Variants in ECM2 observed in about 807,000 individuals in gnomAD.
ECM2 encodes extracellular matrix protein 2, female organ and adipocyte specific.
Under a neutral mutation model 67.5 loss-of-function variants are expected in ECM2, and 57 were observed. The ratio of observed to expected loss-of-function variants is 0.84; its 90% confidence interval spans 0.68 to 1.05. The LOEUF (loss-of-function observed/expected upper bound fraction) is 1.05, where lower values mean the gene tolerates loss of function less well. Ranked by LOEUF, ECM2 falls within the 50% of genes least tolerant of loss-of-function variation. The pLI, the probability that ECM2 is intolerant of heterozygous loss-of-function variation, is 0.00. For missense variants in ECM2, 741 were observed against 822.8 expected (o/e 0.90, Z 1.22); for synonymous variants, 258 against 294.5 (o/e 0.88, Z 1.27).
intron 4 of ECM2, 151 bp from the exon 5 acceptor site, chr9:92,512,277 C>A (rs1018603804): frequency 4.3e-6 from 2 of 464,342 alleles, no homozygotes; most frequent in Non-Finnish European, 3.9e-6. Flanking sequence ...ATTATATAAC[C>A]AAAGCATGTT....
At chr9:92,511,827 G>A (rs535350678) in intron 5 of ECM2, among the ~76,000 whole-genome samples, 184 bp downstream of exon 5, 3 of 152,318 alleles carry the variant, frequency 2.0e-5, no homozygotes, top group African/African-American at 7.2e-5. Context: ...CTAAAAGTAT[G>A]TAAAATAGTA....
intron 5 of ECM2, 120 bp downstream of exon 5, chr9:92,511,890 CT>C: frequency 1.5e-6 from 1 of 662,288 alleles, no homozygotes; most frequent in Non-Finnish European, 2.5e-6. Flanking sequence ...AGAGAGGAAA[CT>C]TTCTTAGAAG....
chr9:92,541,794 T>G, the ECM2 span, among the ~76,000 whole-genome samples: 28 of 152,060 alleles, frequency 1.8e-4, no homozygotes, highest in South Asian at 6.2e-4. Context: ...TGATTTTATT[T>G]CCTTTTTTGT....
intron 2 of ECM2, among the ~76,000 whole-genome samples, chr9:92,520,360 A>G (rs1847989412): frequency 6.6e-6 from 1 of 152,184 alleles, no homozygotes; most frequent in Non-Finnish European, 1.5e-5. Flanking sequence ...CAACATGCAC[A>G]TAAAAAGATG....
At chr9:92,532,780 G>C (rs1212482222) in intron 1 of ECM2, among the ~76,000 whole-genome samples, 1 of 151,890 alleles carries the variant, frequency 6.6e-6, no homozygotes, top group Non-Finnish European at 1.5e-5. Flanking sequence ...TGTGTCTGAA[G>C]ACTAGGTTTT....
upstream of ECM2, chr9:92,536,494 A>G (rs1485039686): frequency 1.3e-5 from 2 of 153,278 alleles, no homozygotes; most frequent in Non-Finnish European, 2.9e-5. Flanking sequence ...ACAAAACGAC[A>G]ACAACAAAAA....
In ECM2 at chr9:92,523,330, C is replaced by T. The variant is rs184384016; in HGVS notation, c.-27-437G>A. Among the ~76,000 whole-genome samples, 313 of 152,258 alleles carry T rather than the reference C, an allele frequency of 2.1e-3. 3 individuals are homozygous for T. The highest frequency in any genetic ancestry group is 4.7e-3 in the Admixed American group (72 of 15,292). ...AGGGCCAGATAGTAAATATTTGAGG[C>T]GTCATAGGCTACACCTTCTCTGTCA... On this transcript the variant is annotated intron_variant, in intron 1 of 9. Coordinates refer to ENST00000344604, the MANE Select transcript of ECM2 (RefSeq NM_001393.4).
Position 92,514,871 on chromosome 9 carries a change from C to G in ECM2, c.814G>C (p.Glu272Gln). Residue 272 changes from glutamate (E) to glutamine (Q), a missense_variant, in exon 4 of 10, where the codon GAG (glutamate) becomes CAG (glutamine). By Grantham distance (29) the Glu-to-Gln change is conservative (BLOSUM62 2). Coordinates refer to ENST00000344604, the MANE Select transcript of ECM2 (RefSeq NM_001393.4). Reference sequence around the variant, plus strand: ...TCACCCTCCTCCTCCTCATCCTCCTCCTCCTCCCTTCCTTGGCGTTGTTGC... The same window carrying G: ...TCACCCTCCTCCTCCTCATCCTCCTGCTCCTCCCTTCCTTGGCGTTGTTGC... ...HQQQRQGREE[E>Q]EDEEEEGEEG... The G allele has an allele frequency of 6.2e-7, 1 of 1,613,366 alleles. No homozygotes were observed. Among genetic ancestry groups the G allele is most frequent in the South Asian group, 1.1e-5 (1 of 90,950 alleles).
intron 1 of ECM2, among the ~76,000 whole-genome samples, chr9:92,533,320 A>T (rs1162961235): frequency 1.4e-3 from 128 of 92,302 alleles, no homozygotes; most frequent in African/African-American, 4.5e-3. Flanking sequence ...AAAAAAAAAA[A>T]AAAAAAAAAT....
At chr9:92,551,403 C>T in the ECM2 span, among the ~76,000 whole-genome samples, 1 of 152,110 alleles carries the variant, frequency 6.6e-6, no homozygotes. Flanking sequence ...AGTGGCACAA[C>T]CATGGCTTAC....
upstream of ECM2, among the ~76,000 whole-genome samples, chr9:92,540,983 T>C (rs1425635855): frequency 6.6e-6 from 1 of 151,946 alleles, no homozygotes; most frequent in Non-Finnish European, 1.5e-5. Context: ...ATGTATTGGC[T>C]GGGGGCAGTG....
chr9:92,515,769 G>A lies in ECM2; in HGVS notation c.482-566C>T, dbSNP rs1563980448. Among the ~76,000 whole-genome samples the A allele has an allele frequency of 2.0e-5, 3 of 152,228 alleles. No individual in the cohort carries two copies. The South Asian group carries it at 6.2e-4, about 31-fold the overall frequency. On this transcript the variant is annotated intron_variant, in intron 3 of 9. Coordinates refer to ENST00000344604, the MANE Select transcript of ECM2 (RefSeq NM_001393.4). ...CCTCTGAAATTCAGAATTATAGAGA[G>A]AGAGTTTTCCTCCTTCTCTGTCCCA...
At chr9:92,505,130 C>T (rs1846920847) in intron 7 of ECM2, among the ~76,000 whole-genome samples, 1 of 152,114 alleles carries the variant, frequency 6.6e-6, no homozygotes, top group African/African-American at 2.4e-5. Flanking sequence ...GTGGTTTTGC[C>T]TGGAATTTGT....
chr9:92,513,102 G>A (rs895637656), intron 4 of ECM2, among the ~76,000 whole-genome samples: 4 of 152,106 alleles, frequency 2.6e-5, no homozygotes, highest in South Asian at 4.1e-4. Context: ...AGGGACACCC[G>A]TGGCATGGGG....
intron 3 of ECM2, among the ~76,000 whole-genome samples, chr9:92,515,747 C>T (rs1026955299): frequency 1.3e-5 from 2 of 152,322 alleles, no homozygotes; most frequent in African/African-American, 4.8e-5. Flanking sequence ...ACATCATCCT[C>T]TGAAATTCAG....
the ECM2 span, among the ~76,000 whole-genome samples, chr9:92,551,753 A>G: frequency 2.0e-5 from 3 of 151,612 alleles, no homozygotes; most frequent in Non-Finnish European, 4.4e-5. Flanking sequence ...GCTCCCACAT[A>G]TCAGTGAGAA....
At chr9:92,522,378 G>A (rs1047772725) in intron 2 of ECM2, among the ~76,000 whole-genome samples, 197 bp downstream of exon 2, 2 of 152,126 alleles carry the variant, frequency 1.3e-5, no homozygotes, top group Middle Eastern at 3.4e-3. Context: ...GAGCCACCGC[G>A]CCTGGCCCTA....
downstream of ECM2, chr9:92,493,911 C>T (rs1381507650): frequency 2.1e-5 from 10 of 472,800 alleles, no homozygotes; most frequent in East Asian, 3.4e-5. Context: ...GCCCACAGTG[C>T]GTCTGCTCCA....
the ECM2 span, among the ~76,000 whole-genome samples, chr9:92,551,145 G>A: frequency 2.0e-5 from 3 of 152,136 alleles, no homozygotes; most frequent in Admixed American, 6.5e-5. Flanking sequence ...GTGGCCAAGC[G>A]GAGCCCATGT....
Sources: allele counts gnomAD v4.1 joint callset (sites outside exome capture counted in the v4.1 genomes callset), GRCh38; gene constraint gnomAD v4.1.1; transcripts MANE v1.5; gene names NCBI Gene and HGNC (gene_info 2026-07-23, HGNC 2026-07-21).